The following AP4E1 variants were observed in gnomAD, a reference collection of about 807,000 sequenced individuals.
AP4E1 encodes AP-4 complex subunit epsilon-1.
In AP4E1, 56 loss-of-function variants were observed where a neutral mutation model predicts 128.2. The ratio of observed to expected loss-of-function variants is 0.44; its 90% CI spans 0.35 to 0.55. AP4E1 has a LOEUF of 0.55. Among genes scored for constraint, AP4E1 ranks in the 20% least tolerant of loss-of-function variants. The pLI is 0.00. For missense variants in AP4E1, 1,324 were observed against 1,307.7 expected (o/e 1.01, Z -0.19); for synonymous variants, 484 against 473.1 (o/e 1.02, Z -0.30).
intron 13 of AP4E1, among the ~76,000 whole-genome samples, chr15:50,951,175 C>T (rs2064144943): frequency 6.6e-6 from 1 of 152,210 alleles, no homozygotes; most frequent in African/African-American, 2.4e-5. Context: ...TAGGGTCTCA[C>T]AGGGTTGCAG....
intron 14 of AP4E1, among the ~76,000 whole-genome samples, chr15:50,963,703 AAG>A (rs1477441191): frequency 6.6e-6 from 1 of 152,224 alleles, no homozygotes; most frequent in East Asian, 1.9e-4. Context: ...TTTCAAAATA[AAG>A]AGAAGATTTG....
At chr15:50,910,027 C>T (rs189225706) in intron 1 of AP4E1, among the ~76,000 whole-genome samples, 130 of 152,348 alleles carry the variant, frequency 8.5e-4, no homozygotes, top group Non-Finnish European at 1.4e-3. Context: ...CGCTCTGTCG[C>T]CCAGGCTGGA....
intron 14 of AP4E1, 141 bp downstream of exon 14, chr15:50,958,935 A>T (rs111932374): frequency 2.4e-5 from 22 of 919,676 alleles, no homozygotes; most frequent in Non-Finnish European, 3.4e-5. Context: ...TTTTCACATT[A>T]GTATGACAGG....
chr15:50,958,887 G>A (rs745382486), intron 14 of AP4E1, 93 bp downstream of exon 14: 2 of 1,341,082 alleles, frequency 1.5e-6, no homozygotes, highest in Middle Eastern at 2.3e-4. Flanking sequence ...ATATCAAAAT[G>A]TGGTTTCTGT....
Position 51,002,523 on chromosome 15 carries a change from G to A in AP4E1, c.3275G>A (p.Cys1092Tyr). The A allele has an allele frequency of 6.2e-7, 1 of 1,614,136 alleles. No homozygotes were observed. Among genetic ancestry groups the A allele is most frequent in the Admixed American group, 1.7e-5 (1 of 60,026 alleles). The change falls in exon 21 of 21, where the codon TGT becomes TAT. Residue 1092 changes from cysteine to tyrosine, a missense_variant. Coordinates refer to ENST00000261842, the MANE Select transcript of AP4E1 (RefSeq NM_007347.5). ...EIIGNEGLLA[C>Y]QLLPSIPCLL... ...TTAGGCAATGAAGGGCTATTGGCCT[G>A]TCAGCTGCTCCCATCCATCCCCTGC...
At chr15:50,931,029 C>T in intron 7 of AP4E1, 58 bp downstream of exon 7, 1 of 1,585,370 alleles carries the variant, frequency 6.3e-7, no homozygotes, top group Non-Finnish European at 8.7e-7. Context: ...TAAGCTTAGA[C>T]TTTAGTAACC....
chr15:50,930,768 A>G (rs556428366), intron 6 of AP4E1, 37 bp from the exon 7 acceptor site: 9 of 1,591,580 alleles, frequency 5.7e-6, no homozygotes, highest in South Asian at 1.1e-5. Context: ...ATTTAATAAG[A>G]CGTTATTAAC....
intron 15 of AP4E1, among the ~76,000 whole-genome samples, chr15:50,974,959 A>G (rs1025316219): frequency 6.6e-6 from 1 of 151,348 alleles, no homozygotes; most frequent in Non-Finnish European, 1.5e-5. Flanking sequence ...ATTTTCTCCT[A>G]TTCCATAGGT....
rs2064977829 is a variant in AP4E1, at chr15:51,002,575, T to C, written c.3327T>C (p.Asp1109=). ...PCLLHCRVHA[D]VLALWFRSSC... ...TACTGCATTGCCGAGTTCATGCAGA[T>C]GTATTAGCCCTGTGGTTCAGATCCT... is the stretch of plus-strand genomic sequence containing the variant. The change falls in exon 21 of 21, where the codon GAT becomes GAC. Residue 1109 remains aspartate, a synonymous_variant. Coordinates refer to ENST00000261842, the MANE Select transcript of AP4E1 (RefSeq NM_007347.5). The C allele has an allele frequency of 6.2e-7, 1 of 1,614,212 alleles. No homozygotes were observed. The highest frequency in any genetic ancestry group is 8.5e-7 in the Non-Finnish European group (1 of 1,180,024).
chr15:50,926,603 T>A (rs139281158), intron 5 of AP4E1, among the ~76,000 whole-genome samples: 4,361 of 151,970 alleles, frequency 0.029, 70 homozygotes, highest in Non-Finnish European at 0.039. Context: ...TAGCTTGTAT[T>A]CTTTTTTTTT....
chr15:50,915,684 A>T (rs1251149039), intron 3 of AP4E1, 113 bp downstream of exon 3: 1 of 1,302,312 alleles, frequency 7.7e-7, no homozygotes, highest in Non-Finnish European at 1.1e-6. Context: ...CTGTATTATA[A>T]TTTCTAAAAC....
At chr15:50,924,589 T>C (rs554427542) in intron 4 of AP4E1, among the ~76,000 whole-genome samples, 4 of 152,296 alleles carry the variant, frequency 2.6e-5, no homozygotes, top group African/African-American at 7.2e-5. Flanking sequence ...CTTTAAGTCA[T>C]ATACTATATT....
Position 50,999,934 on chromosome 15 carries a change from G to C in AP4E1, c.3095+672G>C, listed in dbSNP as rs570404706. On this transcript the variant is annotated intron_variant, in intron 19 of 20. Transcript: ENST00000261842. ...CATGCAGTTTTTACCATTATACTGG[G>C]CACTGTACAGTGTTACCAAAATAAT... Among the ~76,000 whole-genome samples, 4 of 143,354 alleles carry C rather than the reference G, an allele frequency of 2.8e-5. No homozygotes were observed. In the South Asian group the frequency reaches 6.6e-4, roughly 23 times the overall value. The allele number at this position is 143,354 out of a possible 152,430, so 94.0% of individuals were successfully genotyped here.
intron 10 of AP4E1, among the ~76,000 whole-genome samples, chr15:50,947,356 C>T (rs982474668): frequency 1.3e-4 from 20 of 148,980 alleles, no homozygotes; most frequent in African/African-American, 3.7e-4. Context: ...GTGGAGGTTG[C>T]ATTGAGCTGA....
intron 7 of AP4E1, among the ~76,000 whole-genome samples, chr15:50,932,699 G>T (rs6493469): frequency 0.43 from 66,089 of 151,944 alleles, 14,568 homozygotes; most frequent in East Asian, 0.59. Flanking sequence ...ATCAACTTAA[G>T]GTCAGAATCC....
At chr15:50,983,813 C>T (rs1172542112) in intron 15 of AP4E1, among the ~76,000 whole-genome samples, 1 of 152,012 alleles carries the variant, frequency 6.6e-6, no homozygotes, top group East Asian at 1.9e-4. Flanking sequence ...TCTTTAATCA[C>T]CTAGTAATAT....
chr15:50,972,779 C>G (rs1467839734), intron 15 of AP4E1, among the ~76,000 whole-genome samples: 2 of 152,142 alleles, frequency 1.3e-5, no homozygotes, highest in Non-Finnish European at 2.9e-5. Flanking sequence ...CAAGAGTAGC[C>G]TATGGGGCTG....
chr15:50,977,414 C>A (rs1172929134), intron 15 of AP4E1, among the ~76,000 whole-genome samples: 1 of 152,148 alleles, frequency 6.6e-6, no homozygotes, highest in African/African-American at 2.4e-5. Flanking sequence ...CATAGAACCA[C>A]ATTATAAATG....
Position 51,002,788 on chromosome 15 carries a change from T to A in AP4E1, c.*126T>A. 1.6e-6 allele frequency: 2 copies of A among 1,226,722 alleles called. No homozygotes were observed. The highest frequency in any genetic ancestry group is 1.2e-6 in the Non-Finnish European group (1 of 866,352). The allele number at this position is 1,226,722 out of a possible 1,614,324, so 76.0% of individuals were successfully genotyped here. A position where few individuals can be genotyped will look rare whatever the true frequency, so the allele number is the denominator to read the frequency against. On this transcript the variant is annotated 3_prime_UTR_variant, in exon 21 of 21. Transcript: ENST00000261842. Reference sequence around the variant, plus strand: ...GGGATTATTACAAGTGTGGTTTATATGTTTTCTTTGTGATTCCTGGTCAAG... The same window carrying A: ...GGGATTATTACAAGTGTGGTTTATAAGTTTTCTTTGTGATTCCTGGTCAAG...
Sources: allele counts gnomAD v4.1 joint callset (sites outside exome capture counted in the v4.1 genomes callset), GRCh38; gene constraint gnomAD v4.1.1; transcripts MANE v1.5; gene names NCBI Gene and HGNC (gene_info 2026-07-23, HGNC 2026-07-21).